The following MNAT1 variants were observed in gnomAD, a reference collection of about 807,000 sequenced individuals.
MNAT1 encodes the protein MNAT1 component of CDK activating kinase, also known as CDK-activating kinase assembly factor MAT1.
A neutral mutation model predicts 42.0 loss-of-function variants in MNAT1; 43 were observed. The observed-to-expected ratio is 1.02, with a 90% CI of 0.80 to 1.32. The LOEUF is 1.32. MNAT1 is among the 40% of genes most tolerant of loss of function. The pLI is 0.00. For synonymous variants in MNAT1, 118 were observed against 120.0 expected, an observed-to-expected ratio of 0.98 and a Z score of 0.11; for missense variants, 306 against 350.4, an observed-to-expected ratio of 0.87 and a Z score of 1.01.
chr14:60,871,360 A>G (rs2034319886), intron 6 of MNAT1, among the ~76,000 whole-genome samples: 1 of 152,222 alleles, frequency 6.6e-6, no homozygotes, highest in Non-Finnish European at 1.5e-5. Flanking sequence ...AAGAAAAACT[A>G]CTGAACTAAT....
intron 7 of MNAT1, among the ~76,000 whole-genome samples, chr14:60,924,776 G>T (rs1246250243): frequency 6.6e-6 from 1 of 152,170 alleles, no homozygotes; most frequent in Non-Finnish European, 1.5e-5. Flanking sequence ...GAGGGCAAAA[G>T]CTGACAACTT....
chr14:60,938,784 T>A (rs2036068909), intron 7 of MNAT1, among the ~76,000 whole-genome samples: 1 of 152,210 alleles, frequency 6.6e-6, no homozygotes, highest in Non-Finnish European at 1.5e-5. Context: ...TTTCTACTGA[T>A]TGGAATAGTT....
intron 1 of MNAT1, among the ~76,000 whole-genome samples, chr14:60,752,510 T>C (rs998334312): frequency 3.3e-5 from 5 of 152,074 alleles, no homozygotes; most frequent in Non-Finnish European, 5.9e-5. Flanking sequence ...TCTTTTAATT[T>C]TTATCTTCTT....
intron 5 of MNAT1, among the ~76,000 whole-genome samples, chr14:60,814,772 C>G (rs879832192): frequency 7.2e-5 from 11 of 152,226 alleles, no homozygotes; most frequent in Middle Eastern, 3.4e-3. Flanking sequence ...GAATTTGGCT[C>G]TAAAAATGAG....
At chr14:60,943,498 T>C (rs2036216536) in intron 7 of MNAT1, among the ~76,000 whole-genome samples, 2 of 152,206 alleles carry the variant, frequency 1.3e-5, no homozygotes, top group African/African-American at 4.8e-5. Flanking sequence ...ATTAGGGTCA[T>C]CTTCTGGCTA....
intron 5 of MNAT1, among the ~76,000 whole-genome samples, chr14:60,817,856 A>G (rs1409032824): frequency 1.3e-5 from 2 of 151,896 alleles, no homozygotes; most frequent in Non-Finnish European, 2.9e-5. Context: ...TATGATACAG[A>G]AAATTCTCAA....
chr14:60,797,940 A>C (rs2032071420), intron 2 of MNAT1, 147 bp from the exon 3 acceptor site: 2 of 455,266 alleles, frequency 4.4e-6, no homozygotes, highest in South Asian at 5.7e-5. Flanking sequence ...AAAAAATAAA[A>C]ATAAAAAAAT....
intron 1 of MNAT1, among the ~76,000 whole-genome samples, chr14:60,783,126 T>C (rs1315620530): frequency 6.6e-6 from 1 of 152,192 alleles, no homozygotes; most frequent in Non-Finnish European, 1.5e-5. Context: ...TAATCATTCA[T>C]TGTCAAGTGG....
At position 60,796,313 on chromosome 14, in the gene MNAT1, CTT is replaced by C; in HGVS notation, c.188_189del (p.Phe63Ter). 6.2e-7 allele frequency: 1 copy of C among 1,613,716 alleles called. No homozygotes were observed. Among genetic ancestry groups the C allele is most frequent in the Non-Finnish European group, 8.5e-7 (1 of 1,179,764 alleles). On this transcript the variant is annotated frameshift_variant, in exon 2 of 8. Coordinates refer to ENST00000261245, the MANE Select transcript of MNAT1 (RefSeq NM_002431.4). LOFTEE classifies it high-confidence loss of function. ...LRKSNFRVQLFEDPTVDKEVE... is the reference protein window; with the variant it reads ...LRKSNFRVQLXEDPTVDKEVE... The stretch of plus-strand genomic sequence containing the variant: ...GAAAGAGCAACTTCAGGGTACAACT[CTT>C]TGAAGATCCCACTGTTGACAAGGAG...
intron 6 of MNAT1, among the ~76,000 whole-genome samples, chr14:60,874,346 C>A (rs575456092): frequency 6.6e-6 from 1 of 152,274 alleles, no homozygotes; most frequent in East Asian, 1.9e-4. Flanking sequence ...CTCAGGTTTA[C>A]TTATTGTCTC....
rs751691150 is a variant in MNAT1, at chr14:60,812,004, AC to A, written c.439del (p.Leu147TrpfsTer5). 1.9e-6 allele frequency: 3 copies of A among 1,589,508 alleles called. No homozygotes were observed. Among genetic ancestry groups the A allele is most frequent in the Non-Finnish European group, 1.7e-6 (2 of 1,173,308 alleles). On this transcript the variant is annotated frameshift_variant, in exon 5 of 8. Transcript: ENST00000261245. LOFTEE classifies it high-confidence loss of function. ...KLKLTREQEE[L>X]EEALEVERQE... is the part of the protein sequence containing the mutation. ...TGTTTTAGACTCGAGAACAGGAAGA[AC>A]TGGAAGAAGCTTTAGAAGTGGAACG...
intron 1 of MNAT1, 63 bp downstream of exon 1, chr14:60,735,014 G>A: frequency 6.7e-7 from 1 of 1,482,512 alleles, no homozygotes; most frequent in Non-Finnish European, 9.4e-7. Flanking sequence ...AGAGGACCGG[G>A]AGATGCTAGG....
At chr14:60,815,223 C>CTT (rs1038102057) in intron 5 of MNAT1, among the ~76,000 whole-genome samples, 2 of 145,870 alleles carry the variant, frequency 1.4e-5, no homozygotes, top group African/African-American at 5.0e-5. Context: ...TTCTTTTTCC[C>CTT]TTTTTTTTTT....
chr14:60,786,999 C>T (rs2031672183), intron 1 of MNAT1, among the ~76,000 whole-genome samples: 1 of 152,138 alleles, frequency 6.6e-6, no homozygotes, highest in Admixed American at 6.6e-5. Flanking sequence ...TTTGCCCTTC[C>T]TTTCCCCGAA....
intron 7 of MNAT1, among the ~76,000 whole-genome samples, chr14:60,956,128 T>G (rs2036483959): frequency 6.6e-6 from 1 of 152,108 alleles, no homozygotes; most frequent in East Asian, 1.9e-4. Flanking sequence ...AAGTATTGTC[T>G]TTTATTAGTA....
intron 7 of MNAT1, among the ~76,000 whole-genome samples, chr14:60,944,564 T>C (rs2036236758): frequency 6.6e-6 from 1 of 152,210 alleles, no homozygotes; most frequent in Non-Finnish European, 1.5e-5. Context: ...GCAGTTGAAG[T>C]AGACAAATAG....
chr14:60,820,218 C>G (rs2032841905), intron 6 of MNAT1, among the ~76,000 whole-genome samples: 1 of 152,004 alleles, frequency 6.6e-6, no homozygotes, highest in Non-Finnish European at 1.5e-5. Context: ...CACAATGTAG[C>G]TACAAGCCTC....
intron 6 of MNAT1, among the ~76,000 whole-genome samples, chr14:60,870,338 G>A (rs776966713): frequency 6.6e-6 from 1 of 151,994 alleles, no homozygotes; most frequent in Non-Finnish European, 1.5e-5. Context: ...TTCCCCCCAG[G>A]TATGGGTATT....
At chr14:60,910,983 T>G (rs1050239968) in intron 7 of MNAT1, among the ~76,000 whole-genome samples, 1 of 152,224 alleles carries the variant, frequency 6.6e-6, no homozygotes, top group South Asian at 2.1e-4. Flanking sequence ...AAACTCTTAA[T>G]TATTGTCTCT....
Sources: gnomAD v4.1 joint callset for allele counts (sites outside exome capture counted in the v4.1 genomes callset) on GRCh38, gnomAD v4.1.1 for gene constraint, MANE v1.5 for transcripts, NCBI Gene and HGNC (gene_info 2026-07-23, HGNC 2026-07-21) for gene names.